TBC1D1: variants seen among roughly 807,000 people sequenced by gnomAD.
TBC1D1 encodes TBC1 domain family member 1.
TBC1D1 carries 89 observed loss-of-function variants against 125.6 expected under a neutral mutation model. The ratio of observed to expected loss-of-function variants is 0.71; its 90% confidence interval spans 0.60 to 0.85. The LOEUF (loss-of-function observed/expected upper bound fraction) is 0.85. Among genes scored for constraint, TBC1D1 ranks in the 40% least tolerant of loss-of-function variants. The pLI, the probability that TBC1D1 is intolerant of heterozygous loss-of-function variation, is 0.00. For missense variants in TBC1D1, 1,377 were observed against 1,469.2 expected (o/e 0.94, Z 1.03); for synonymous variants, 565 against 564.1 (o/e 1.00, Z -0.02).
At chr4:38,052,731 C>CAG (rs1325291453) in intron 11 of TBC1D1, among the ~76,000 whole-genome samples, 29 of 58,990 alleles carry the variant, frequency 4.9e-4, no homozygotes, top group Non-Finnish European at 9.0e-4. Context: ...CGCGCGCGCA[C>CAG]ACACACACAC....
chr4:37,956,846 C>T (rs568646994), intron 2 of TBC1D1, among the ~76,000 whole-genome samples: 56 of 151,120 alleles, frequency 3.7e-4, no homozygotes, highest in Admixed American at 8.6e-4. Flanking sequence ...GGCTGAGGCA[C>T]GAGAATCACT....
At chr4:37,936,770 G>A (rs1402469144) in intron 2 of TBC1D1, among the ~76,000 whole-genome samples, 4 of 152,206 alleles carry the variant, frequency 2.6e-5, no homozygotes, top group South Asian at 2.1e-4. Context: ...ACCTCCTTGC[G>A]AGATGGGATT....
At chr4:38,087,135 T>G (rs1202632996) in intron 12 of TBC1D1, among the ~76,000 whole-genome samples, 1 of 152,206 alleles carries the variant, frequency 6.6e-6, no homozygotes, top group East Asian at 1.9e-4. Context: ...CTCAACAAAC[T>G]GTCACTAGTG....
intron 2 of TBC1D1, among the ~76,000 whole-genome samples, chr4:37,964,776 G>A (rs577408361): frequency 3.9e-5 from 6 of 152,258 alleles, no homozygotes; most frequent in East Asian, 3.9e-4. Flanking sequence ...TACCTCATTC[G>A]TTCATTTGTT....
chr4:38,047,223 T>C (rs930567796), intron 10 of TBC1D1, among the ~76,000 whole-genome samples: 1 of 152,230 alleles, frequency 6.6e-6, no homozygotes, highest in African/African-American at 2.4e-5. Flanking sequence ...CTTAGATGGA[T>C]GAGTGCTTCT....
At chr4:38,107,207 C>T (rs1283877722) in intron 15 of TBC1D1, among the ~76,000 whole-genome samples, 1 of 152,222 alleles carries the variant, frequency 6.6e-6, no homozygotes, top group Non-Finnish European at 1.5e-5. Context: ...TGGGATTGGC[C>T]TAGACCCGGC....
chr4:38,049,663 T>G lies in TBC1D1; in HGVS notation c.1675T>G (p.Ser559Ala), dbSNP rs1258449529. The G allele has an allele frequency of 1.2e-6, 2 of 1,613,350 alleles. No homozygotes were observed. Among genetic ancestry groups the G allele is most frequent in the East Asian group, 2.2e-5 (1 of 44,858 alleles). ...GGAGGCCTTGCCCATCTCTGAGAGC[T>G]CCTTTAAGCTCCTCGGCTCCTCGGA... is the stretch of plus-strand genomic sequence containing the variant. Residue 559 changes from serine (S) to alanine (A), a missense_variant, in exon 11 of 20, where the codon TCC becomes GCC. This residue lies in a region of TBC1D1 where 822 missense variants were observed against 824.6 expected (regional missense o/e 1.00). Transcript: ENST00000261439.
At chr4:38,117,538 T>C (rs1763177329) in intron 16 of TBC1D1, among the ~76,000 whole-genome samples, 1 of 152,246 alleles carries the variant, frequency 6.6e-6, no homozygotes, top group Non-Finnish European at 1.5e-5. Flanking sequence ...AAAGAAATTA[T>C]GCTTCTCCTG....
chr4:38,061,297 A>T (rs991101116), intron 12 of TBC1D1, among the ~76,000 whole-genome samples: 2 of 152,220 alleles, frequency 1.3e-5, no homozygotes, highest in African/African-American at 4.8e-5. Context: ...CTACAAAAAA[A>T]AAATGCTGAA....
At chr4:37,943,399 G>T (rs1338784982) in intron 2 of TBC1D1, among the ~76,000 whole-genome samples, 1 of 152,182 alleles carries the variant, frequency 6.6e-6, no homozygotes, top group Non-Finnish European at 1.5e-5. Flanking sequence ...CTAGGTTGGG[G>T]AAGTTCTCCT....
intron 15 of TBC1D1, among the ~76,000 whole-genome samples, chr4:38,108,124 C>A (rs751128733): frequency 1.3e-5 from 2 of 152,188 alleles, no homozygotes; most frequent in African/African-American, 4.8e-5. Flanking sequence ...GACTCTCTAT[C>A]CTGGGTAGAC....
intron 18 of TBC1D1, 38 bp downstream of exon 20, chr4:38,125,169 T>C (rs1560270185): frequency 1.3e-6 from 2 of 1,592,154 alleles, no homozygotes; most frequent in South Asian, 1.1e-5. Context: ...GCTTAAGCCA[T>C]CCTAGATATG....
intron 3 of TBC1D1, 61 bp downstream of exon 3, chr4:38,015,034 T>C: frequency 7.2e-7 from 1 of 1,396,090 alleles, no homozygotes; most frequent in Non-Finnish European, 9.7e-7. Flanking sequence ...AGAGAAAATC[T>C]GCTTTATGGA....
chr4:38,110,633 C>T (rs1358652791), intron 15 of TBC1D1: 2 of 985,210 alleles, frequency 2.0e-6, no homozygotes, highest in Non-Finnish European at 2.4e-6. Flanking sequence ...TTTTAATGCC[C>T]ATGTTTGACC....
chr4:37,918,035 A>G (rs977309126), intron 2 of TBC1D1, among the ~76,000 whole-genome samples: 1 of 152,224 alleles, frequency 6.6e-6, no homozygotes, highest in African/African-American at 2.4e-5. Context: ...ATTTCAAAGC[A>G]GAGATTACAT....
chr4:37,955,059 T>C (rs1043672800), intron 2 of TBC1D1, among the ~76,000 whole-genome samples: 2 of 152,124 alleles, frequency 1.3e-5, no homozygotes, highest in Admixed American at 1.3e-4. Context: ...ACCTGATGTG[T>C]CATGTACCGA....
At chr4:38,053,062 T>G in intron 11 of TBC1D1, 44 bp from the exon 13 acceptor site, 1 of 1,307,820 alleles carries the variant, frequency 7.6e-7, no homozygotes, top group South Asian at 2.3e-5. Flanking sequence ...CTTTGTGTTT[T>G]TATGTTTCTT....
At chr4:37,893,654 A>T (rs1273084455) in intron 1 of TBC1D1, among the ~76,000 whole-genome samples, 2 of 151,880 alleles carry the variant, frequency 1.3e-5, no homozygotes, top group Non-Finnish European at 2.9e-5. Flanking sequence ...CCCTGTCTCT[A>T]CAAAAATATA....
At chr4:37,955,687 A>G (rs61562546) in intron 2 of TBC1D1, among the ~76,000 whole-genome samples, 19,017 of 152,192 alleles carry the variant, frequency 0.12, 1,260 homozygotes, top group East Asian at 0.17. Context: ...ATAAATTACA[A>G]TGTGTTACAA....
Sources: gnomAD v4.1 joint callset for allele counts (sites outside exome capture counted in the v4.1 genomes callset) on GRCh38, gnomAD v4.1.1 for gene constraint, gnomAD v4.1.1 regional missense constraint, MANE v1.5 for transcripts, NCBI Gene and HGNC (gene_info 2026-07-23, HGNC 2026-07-21) for gene names.